Variants in TVP23C observed in about 807,000 individuals in gnomAD.
TVP23C encodes the protein Golgi apparatus membrane protein TVP23 homolog C.
In TVP23C, 19 loss-of-function variants were observed where a neutral mutation model predicts 28.7. The observed-to-expected ratio is 0.66, with a 90% CI of 0.46 to 0.97. The LOEUF (loss-of-function observed/expected upper bound fraction) is 0.97, where lower values mean the gene tolerates loss of function less well. Ranked by LOEUF, TVP23C falls within the 50% of genes least tolerant of loss-of-function variation. The pLI is 0.00. For synonymous variants in TVP23C, 68 were observed against 81.7 expected, an observed-to-expected ratio of 0.83 and a Z score of 0.90; for missense variants, 186 against 241.3, an observed-to-expected ratio of 0.77 and a Z score of 1.52.
At chr17:15,507,885 T>C (rs1336954923) in intron 5 of TVP23C, among the ~76,000 whole-genome samples, 1 of 152,102 alleles carries the variant, frequency 6.6e-6, no homozygotes, top group Non-Finnish European at 1.5e-5. Context: ...AGAAAGTCTA[T>C]AGCCTCTTAT....
intron 5 of TVP23C, among the ~76,000 whole-genome samples, chr17:15,529,097 C>T (rs1413256303): frequency 6.6e-6 from 1 of 152,088 alleles, no homozygotes; most frequent in African/African-American, 2.4e-5. Context: ...TTACCGTGTA[C>T]CTGGGACTAT....
chr17:15,559,648 C>G (rs553163416), intron 1 of TVP23C, among the ~76,000 whole-genome samples: 1 of 148,844 alleles, frequency 6.7e-6, no homozygotes, highest in South Asian at 2.2e-4. Context: ...CTACTTTAAT[C>G]ACGAGGCCAA....
downstream of TVP23C, among the ~76,000 whole-genome samples, chr17:15,532,331 T>C (rs1023165942): frequency 4.6e-5 from 7 of 152,196 alleles, no homozygotes; most frequent in Admixed American, 1.3e-4. Flanking sequence ...GCCCTGTGAT[T>C]GGGACTATTC....
intron 1 of TVP23C, among the ~76,000 whole-genome samples, chr17:15,559,582 G>A (rs1263090653): frequency 6.7e-6 from 1 of 148,718 alleles, no homozygotes; most frequent in East Asian, 2.0e-4. Flanking sequence ...AAATCTGGAG[G>A]GGGAGGGGAG....
At chr17:15,560,828 A>G (rs1473585851) in intron 1 of TVP23C, among the ~76,000 whole-genome samples, 6 of 149,990 alleles carry the variant, frequency 4.0e-5, no homozygotes, top group African/African-American at 1.5e-4. Context: ...TGCTGGGATT[A>G]CAGGTGTGAG....
chr17:15,543,288 C>T lies in TVP23C; in HGVS notation c.462+2497G>A, dbSNP rs535536105. Among the ~76,000 whole-genome samples the T allele has an allele frequency of 1.7e-3, 254 of 149,960 alleles. 1 individual carries two copies. Among genetic ancestry groups the T allele is most frequent in the Non-Finnish European group, 6.8e-4 (46 of 67,308 alleles). On this transcript the variant is annotated intron_variant, in intron 5 of 5. Transcript: ENST00000518321. ...GGAGAAGGTGGTCAAGGGGGATTCACCCGCACTAAACCAGCAGAAAGAGAA... is the reference window on the plus strand; with the variant it reads ...GGAGAAGGTGGTCAAGGGGGATTCATCCGCACTAAACCAGCAGAAAGAGAA...
At chr17:15,553,370 T>C (rs1360765618) in intron 3 of TVP23C, among the ~76,000 whole-genome samples, 2 of 152,030 alleles carry the variant, frequency 1.3e-5, no homozygotes, top group African/African-American at 2.4e-5. Flanking sequence ...ACCCATGGTA[T>C]GGATTAGAAG....
intron 2 of TVP23C, among the ~76,000 whole-genome samples, chr17:15,554,555 A>G (rs926224353): frequency 2.6e-5 from 4 of 152,120 alleles, no homozygotes; most frequent in Non-Finnish European, 2.9e-5. Flanking sequence ...GTTTTTTAAT[A>G]GCTTTTTTGA....
intron 3 of TVP23C, among the ~76,000 whole-genome samples, chr17:15,549,445 G>GATA (rs1567642611): frequency 1.3e-5 from 2 of 152,134 alleles, no homozygotes; most frequent in Non-Finnish European, 2.9e-5. Flanking sequence ...GATATAAGAT[G>GATA]CCTGGCCAGG....
Position 15,547,270 on chromosome 17 carries a change from A to C in TVP23C, c.241-122T>G, listed in dbSNP as rs528620883. On this transcript the variant is annotated intron_variant, in intron 3 of 5. Coordinates refer to ENST00000518321, the MANE Select transcript of TVP23C (RefSeq NM_001135036.2). ...CTTCAGCTTTACCTCCATAATATCC[A>C]GTTAGCAAAGACTACTATGTATCAG... 8.4e-6 allele frequency: 12 copies of C among 1,429,892 alleles called. No individual in the cohort carries two copies. The South Asian group carries it at 1.3e-4, about 15-fold the overall frequency. 88.6% of individuals were successfully genotyped at this position (1,429,892 alleles called of 1,614,324 possible).
At chr17:15,534,262 T>C (rs1983060767), downstream of TVP23C, among the ~76,000 whole-genome samples, 1 of 152,084 alleles carries the variant, frequency 6.6e-6, no homozygotes, top group South Asian at 2.1e-4. Context: ...TCTATTCACT[T>C]TCACTCACAT....
exon 6 of TVP23C, chr17:15,502,901 G>A: frequency 2.5e-6 from 4 of 1,601,604 alleles, no homozygotes; most frequent in Non-Finnish European, 3.4e-6. Context: ...TTTTGGCCCG[G>A]GCTCACCAGT....
chr17:15,536,988 A>T lies in TVP23C; in HGVS notation c.*3424T>A, dbSNP rs1983182824. On this transcript the variant is annotated 3_prime_UTR_variant, in exon 6 of 6. Transcript: ENST00000518321. ...AGATTACACATGTCAAATGCCTTGT[A>T]AATAGTAGAATTTTATACAAATATA... 4.3e-6 allele frequency: 1 copy of T among 233,284 alleles called. No homozygotes were observed. 14.5% of individuals were successfully genotyped at this position (233,284 alleles called of 1,614,324 possible). A position where few individuals can be genotyped will look rare whatever the true frequency, so the allele number is the denominator to read the frequency against.
chr17:15,512,655 C>CATAT (rs904250817), intron 5 of TVP23C, among the ~76,000 whole-genome samples: 2 of 151,920 alleles, frequency 1.3e-5, no homozygotes, highest in Non-Finnish European at 2.9e-5. Context: ...TCACGAACAT[C>CATAT]ATATATATAT....
rs1356503757 is a variant in TVP23C at position 15,537,485 on chromosome 17, A to T, written c.*2927T>A. 41 of 984,992 alleles carry T rather than the reference A, an allele frequency of 4.2e-5. No homozygotes were observed. The highest frequency in any genetic ancestry group is 4.8e-5 in the Non-Finnish European group (40 of 829,660). 61.0% of individuals were successfully genotyped at this position (984,992 alleles called of 1,614,324 possible). A position where few individuals can be genotyped will look rare whatever the true frequency, so the allele number is the denominator to read the frequency against. ...ATCTCTGGGTATTCCTTAAACTATGATGATTCCACTTATATTAACTGGGCC... is the reference window on the plus strand; with the variant it reads ...ATCTCTGGGTATTCCTTAAACTATGTTGATTCCACTTATATTAACTGGGCC... On this transcript the variant is annotated 3_prime_UTR_variant, in exon 6 of 6. Transcript: ENST00000518321.
At chr17:15,517,909 G>A (rs1597509617) in intron 5 of TVP23C, among the ~76,000 whole-genome samples, 1 of 152,290 alleles carries the variant, frequency 6.6e-6, no homozygotes, top group South Asian at 2.1e-4. Context: ...GCTCACACCT[G>A]TAATCCCAGT....
chr17:15,536,162 C>G (rs1221649927), downstream of TVP23C, among the ~76,000 whole-genome samples: 2 of 152,100 alleles, frequency 1.3e-5, no homozygotes, highest in East Asian at 3.9e-4. Context: ...TGCACTCCAG[C>G]CTGGGTGACA....
chr17:15,557,542 G>A (rs142313607), intron 1 of TVP23C, among the ~76,000 whole-genome samples: 2,751 of 148,620 alleles, frequency 0.019, 154 homozygotes, highest in African/African-American at 0.054. Flanking sequence ...CCAGGGATCC[G>A]CCCACCTCAC....
chr17:15,537,483 T>C lies in TVP23C; in HGVS notation c.*2929A>G. ...CAATCTCTGGGTATTCCTTAAACTA[T>C]GATGATTCCACTTATATTAACTGGG... On this transcript the variant is annotated 3_prime_UTR_variant, in exon 6 of 6. Transcript: ENST00000518321. The C allele has an allele frequency of 5.1e-6, 5 of 985,134 alleles. No homozygotes were observed. The highest frequency in any genetic ancestry group is 6.0e-6 in the Non-Finnish European group (5 of 829,664). The allele number at this position is 985,134 out of a possible 1,614,324, so 61.0% of individuals were successfully genotyped here.
Sources: allele counts gnomAD v4.1 joint callset (sites outside exome capture counted in the v4.1 genomes callset), GRCh38; gene constraint gnomAD v4.1.1; transcripts MANE v1.5; gene names NCBI Gene and HGNC (gene_info 2026-07-23, HGNC 2026-07-21).